CNTN4: variants seen among roughly 807,000 people sequenced by gnomAD.
CNTN4 encodes the protein contactin-4.
CNTN4 carries 77 observed loss-of-function variants against 122.5 expected under a neutral mutation model. That is an observed-to-expected ratio of 0.63 (90% CI 0.52 to 0.76). The LOEUF (loss-of-function observed/expected upper bound fraction) is 0.76, where lower values mean the gene tolerates loss of function less well. Among genes scored for constraint, CNTN4 ranks in the 30% least tolerant of loss-of-function variants. The pLI, the probability that CNTN4 is intolerant of heterozygous loss-of-function variation, is 0.00. For missense variants in CNTN4, 1,256 were observed against 1,259.1 expected, an observed-to-expected ratio of 1.00 and a Z score of 0.04; for synonymous variants, 512 against 447.0, an observed-to-expected ratio of 1.15 and a Z score of -1.83.
At chr3:2,651,003 G>A (rs1041424834) in intron 4 of CNTN4, among the ~76,000 whole-genome samples, 1 of 152,092 alleles carries the variant, frequency 6.6e-6, no homozygotes, top group Non-Finnish European at 1.5e-5. Flanking sequence ...TTACAATCCT[G>A]TTATAAAGGT....
At chr3:2,838,610 T>A (rs7642395) in intron 7 of CNTN4, among the ~76,000 whole-genome samples, 97,092 of 150,638 alleles carry the variant, frequency 0.64, 31,638 homozygotes, top group East Asian at 0.87. Context: ...TGACCCTGGG[T>A]TGTGTAATTT....
chr3:2,264,410 T>G (rs1444899699), intron 2 of CNTN4, among the ~76,000 whole-genome samples: 4 of 152,160 alleles, frequency 2.6e-5, no homozygotes. Flanking sequence ...GCCATTTGTT[T>G]GTCTTCTTTT....
intron 7 of CNTN4, among the ~76,000 whole-genome samples, chr3:2,828,057 C>G (rs552804828): frequency 6.6e-6 from 1 of 151,962 alleles, no homozygotes; most frequent in African/African-American, 2.4e-5. Flanking sequence ...CATATGGGAA[C>G]AAGGAAGGGC....
intron 2 of CNTN4, among the ~76,000 whole-genome samples, chr3:2,192,339 C>G (rs1174915320): frequency 1.3e-5 from 2 of 151,998 alleles, no homozygotes; most frequent in Admixed American, 1.3e-4. Context: ...AGTTTACAGT[C>G]CCACCAACAG....
chr3:2,586,537 C>T (rs560814231), intron 4 of CNTN4, among the ~76,000 whole-genome samples: 10 of 152,244 alleles, frequency 6.6e-5, no homozygotes, highest in East Asian at 1.9e-4. Flanking sequence ...GTGATCTGCC[C>T]GCCTCAGCCT....
In CNTN4 at chr3:2,383,785, C is replaced by T. The variant is rs138376224; in HGVS notation, c.-89+44552C>T. Among the ~76,000 whole-genome samples the T allele has an allele frequency of 1.8e-3, 270 of 150,624 alleles. 1 individual carries two copies. The highest frequency in any genetic ancestry group is 5.0e-3 in the African/African-American group (205 of 40,918). ...CTCCCTCTCCTCTCCCTTCCCTCTC[C>T]CTTTCTTTCCTCTCTTCTCCCTCTG... On this transcript the variant is annotated intron_variant, in intron 3 of 24. Transcript: ENST00000418658.
Position 3,031,022 on chromosome 3 carries a change from A to G in CNTN4, c.1783+47A>G, listed in dbSNP as rs1388152005. ...GTTGTTCTTGAAATATTTTCATGATATCTACTGTAGCGCAGAGTTCCAGAA... is the reference window on the plus strand; with the variant it reads ...GTTGTTCTTGAAATATTTTCATGATGTCTACTGTAGCGCAGAGTTCCAGAA... On this transcript the variant is annotated intron_variant, in intron 16 of 24. Coordinates refer to ENST00000418658, the MANE Select transcript of CNTN4 (RefSeq NM_175607.3). The G allele has an allele frequency of 3.1e-6, 5 of 1,611,428 alleles. No homozygotes were observed. The East Asian group carries it at 6.7e-5, about 22-fold the overall frequency.
intron 3 of CNTN4, among the ~76,000 whole-genome samples, chr3:2,447,891 A>G (rs931052555): frequency 3.9e-5 from 6 of 152,030 alleles, no homozygotes; most frequent in African/African-American, 1.2e-4. Flanking sequence ...TCCTAATTTT[A>G]AGGATGAGGA....
At chr3:2,455,869 C>T (rs1399709079) in intron 3 of CNTN4, among the ~76,000 whole-genome samples, 2 of 152,032 alleles carry the variant, frequency 1.3e-5, no homozygotes, top group African/African-American at 4.8e-5. Flanking sequence ...TAAACCTGGA[C>T]ACTAGATATT....
intron 2 of CNTN4, among the ~76,000 whole-genome samples, chr3:2,182,844 C>A (rs910955344): frequency 7.0e-6 from 1 of 143,512 alleles, no homozygotes; most frequent in Admixed American, 6.9e-5. Flanking sequence ...TTTTTTTTTT[C>A]TCCTGAATGG....
At chr3:2,519,709 T>C (rs2077143612) in intron 3 of CNTN4, among the ~76,000 whole-genome samples, 1 of 152,168 alleles carries the variant, frequency 6.6e-6, no homozygotes, top group South Asian at 2.1e-4. Flanking sequence ...CCATGTTGGA[T>C]TGTGGGGCCA....
chr3:3,005,655 T>G (rs563692477), intron 14 of CNTN4, among the ~76,000 whole-genome samples: 1 of 152,114 alleles, frequency 6.6e-6, no homozygotes, highest in Admixed American at 6.5e-5. Context: ...TTGGAAATGG[T>G]CATTTACCAC....
At chr3:2,351,238 G>A (rs1312807519) in intron 3 of CNTN4, among the ~76,000 whole-genome samples, 1 of 152,126 alleles carries the variant, frequency 6.6e-6, no homozygotes, top group Non-Finnish European at 1.5e-5. Context: ...ACTAGAAAGA[G>A]TGAACTCATA....
chr3:2,361,080 A>G (rs2045115414), intron 3 of CNTN4, among the ~76,000 whole-genome samples: 1 of 152,194 alleles, frequency 6.6e-6, no homozygotes, highest in Admixed American at 6.5e-5. Context: ...AGTGACTTGT[A>G]TCATGGTCAT....
chr3:2,689,517 T>G (rs2149176522), intron 4 of CNTN4, among the ~76,000 whole-genome samples: 1 of 152,274 alleles, frequency 6.6e-6, no homozygotes, highest in Middle Eastern at 3.4e-3. Flanking sequence ...TCAACCCATT[T>G]GTCTGCATCT....
At chr3:2,669,872 G>C (rs1422813100) in intron 4 of CNTN4, among the ~76,000 whole-genome samples, 1 of 152,162 alleles carries the variant, frequency 6.6e-6, no homozygotes, top group African/African-American at 2.4e-5. Context: ...TTCAGGAGCA[G>C]GTTGTTCAGT....
At chr3:2,851,060 G>T (rs2093541592) in intron 7 of CNTN4, among the ~76,000 whole-genome samples, 1 of 152,140 alleles carries the variant, frequency 6.6e-6, no homozygotes, top group African/African-American at 2.4e-5. Context: ...TCGAAGGTGG[G>T]TACAATGTAT....
At chr3:2,425,356 G>C (rs548911852) in intron 3 of CNTN4, among the ~76,000 whole-genome samples, 58 of 152,170 alleles carry the variant, frequency 3.8e-4, no homozygotes, top group Non-Finnish European at 7.5e-4. Flanking sequence ...GTTTTTGTCA[G>C]GTTTGTCAAA....
chr3:2,617,498 GCAACCTC>G (rs1168968134), intron 4 of CNTN4, among the ~76,000 whole-genome samples: 1 of 135,946 alleles, frequency 7.4e-6, no homozygotes, highest in Non-Finnish European at 1.5e-5. Context: ...TTGGCTCACT[GCAACCTC>G]CACCTCCCGG....
Sources: allele counts gnomAD v4.1 joint callset (sites outside exome capture counted in the v4.1 genomes callset), GRCh38; gene constraint gnomAD v4.1.1; transcripts MANE v1.5; gene names NCBI Gene and HGNC (gene_info 2026-07-23, HGNC 2026-07-21).